The following LSG1 variants were observed in gnomAD, a reference collection of about 807,000 sequenced individuals.
LSG1 encodes large 60S subunit nuclear export GTPase 1.
In LSG1, 55 loss-of-function variants were observed where a neutral mutation model predicts 82.6. The ratio of observed to expected loss-of-function variants is 0.67; its 90% CI spans 0.54 to 0.83. The LOEUF is 0.83. Ranked by LOEUF, LSG1 falls within the 40% of genes least tolerant of loss-of-function variation. LSG1 has a pLI of 0.00. For synonymous variants in LSG1, 272 were observed against 282.5 expected (o/e 0.96, Z 0.37); for missense variants, 809 against 807.9 (o/e 1.00, Z -0.02).
At position 194,666,193 on chromosome 3, in the gene LSG1, T is replaced by C; in HGVS notation, c.434+10A>G. On this transcript the variant is annotated intron_variant, in intron 4 of 13. Coordinates refer to ENST00000265245, the MANE Select transcript of LSG1 (RefSeq NM_018385.3). ...TCAAAGTAAGTCTTCATAGAGTCTA[T>C]AATACTCACCGGACAAGCTGACGTC... 3.1e-6 allele frequency: 5 copies of C among 1,609,848 alleles called. No homozygotes were observed. The highest frequency in any genetic ancestry group is 4.3e-6 in the Non-Finnish European group (5 of 1,176,040).
chr3:194,667,647 G>A (rs1205794706), intron 2 of LSG1, among the ~76,000 whole-genome samples: 10 of 151,870 alleles, frequency 6.6e-5, no homozygotes, highest in Admixed American at 6.6e-4. Flanking sequence ...ATAGCAGCCA[G>A]GTGCGGTGGC....
rs775879544 is a variant in LSG1 at position 194,648,750 on chromosome 3, T to C, written c.1474A>G (p.Ile492Val). Residue 492 changes from isoleucine to valine, a missense_variant, in exon 11 of 14, where the codon ATA becomes GTA. By Grantham distance (29) the Ile-to-Val change is conservative. Coordinates refer to ENST00000265245, the MANE Select transcript of LSG1 (RefSeq NM_018385.3). ...GGATCTTCATCCTCTCTAGGCGTTA[T>C]GATGTTAATGCCATAGGTAGCTTCT... ...VLEATYGINI[I>V]TPREDEDPHR... The C allele has an allele frequency of 1.9e-6, 3 of 1,613,792 alleles. No individual in the cohort carries two copies. The highest frequency in any genetic ancestry group is 2.2e-5 in the East Asian group (1 of 44,890).
At chr3:194,651,424 A>G (rs1718672031) in intron 8 of LSG1, 1 of 569,792 alleles carries the variant, frequency 1.8e-6, no homozygotes, top group African/African-American at 1.9e-5. Flanking sequence ...CAAATGGCCA[A>G]GTTATGCACA....
At chr3:194,648,021 A>G (rs373299472) in intron 11 of LSG1, among the ~76,000 whole-genome samples, 2 of 151,918 alleles carry the variant, frequency 1.3e-5, no homozygotes, top group African/African-American at 4.8e-5. Flanking sequence ...CCCAACCAGC[A>G]GCAATCCCTG....
At chr3:194,656,004 G>A (rs548991446) in intron 7 of LSG1, among the ~76,000 whole-genome samples, 2 of 152,134 alleles carry the variant, frequency 1.3e-5, no homozygotes. Context: ...ATTAATTCAC[G>A]ATGGATTAAA....
At chr3:194,662,164 T>A (rs551052579) in intron 5 of LSG1, among the ~76,000 whole-genome samples, 6 of 152,232 alleles carry the variant, frequency 3.9e-5, no homozygotes, top group Non-Finnish European at 8.8e-5. Flanking sequence ...GCGCCCGTAA[T>A]CCATCTGAAC....
chr3:194,644,355 C>T (rs868709416), intron 13 of LSG1, among the ~76,000 whole-genome samples: 2 of 131,286 alleles, frequency 1.5e-5, no homozygotes, highest in Non-Finnish European at 3.1e-5. Flanking sequence ...GGCGACAGAG[C>T]GAGACTCCGT....
Position 194,665,637 on chromosome 3 carries a change from T to C in LSG1, c.441A>G (p.Glu147=), listed in dbSNP as rs768233393. 30 of 1,608,772 alleles carry C rather than the reference T, an allele frequency of 1.9e-5. No homozygotes were observed. The highest frequency in any genetic ancestry group is 2.4e-5 in the Non-Finnish European group (28 of 1,176,682). The change falls in exon 5 of 14, where the codon GAA becomes GAG. Residue 147 remains glutamate, a synonymous_variant. Coordinates refer to ENST00000265245, the MANE Select transcript of LSG1 (RefSeq NM_018385.3). ...GAGTCAATATCAGCTTCTGTTCCTCTTCTAGCCTAGTTTTTGAATGAGAAG... is the reference window on the plus strand; with the variant it reads ...GAGTCAATATCAGCTTCTGTTCCTCCTCTAGCCTAGTTTTTGAATGAGAAG... ...LEWRRQLVRL[E]EEQKLILTPF...
At chr3:194,657,458 GT>G (rs58115258) in intron 7 of LSG1, among the ~76,000 whole-genome samples, 11,692 of 139,004 alleles carry the variant, frequency 0.084, 537 homozygotes, top group African/African-American at 0.13. Context: ...TGCTTAGTAA[GT>G]TTTTTTTTTT....
chr3:194,653,294 C>A, intron 7 of LSG1, 152 bp from the exon 8 acceptor site: 1 of 686,900 alleles, frequency 1.5e-6, no homozygotes, highest in Non-Finnish European at 2.4e-6. Flanking sequence ...GTGCGCAGAT[C>A]ATTTGAGGTC....
chr3:194,665,513 T>C (rs112008196), intron 5 of LSG1, 44 bp downstream of exon 5: 1 of 1,429,172 alleles, frequency 7.0e-7, no homozygotes, highest in Non-Finnish European at 9.8e-7. Context: ...CGAATATAAC[T>C]TCACTACAAT....
intron 7 of LSG1, 61 bp downstream of exon 7, chr3:194,658,896 A>T: frequency 7.0e-7 from 1 of 1,435,600 alleles, no homozygotes; most frequent in Non-Finnish European, 9.5e-7. Context: ...CAAACGAAGC[A>T]CATTAACAAG....
intron 7 of LSG1, among the ~76,000 whole-genome samples, chr3:194,658,132 T>C (rs1718844620): frequency 6.6e-6 from 1 of 152,164 alleles, no homozygotes; most frequent in East Asian, 1.9e-4. Context: ...ATTACTAATT[T>C]CTTTTCATAG....
Position 194,644,644 on chromosome 3 carries a change from T to C in LSG1, c.1726A>G (p.Lys576Glu), listed in dbSNP as rs762942622. The change falls in exon 13 of 14, where the codon AAA (lysine) becomes GAA (glutamate). Residue 576 changes from lysine (K) to glutamate (E), a missense_variant. By Grantham distance (56) the Lys-to-Glu change is moderately conservative. Transcript: ENST00000265245. Reference protein sequence around the residue: ...LENKMNSDEIKMQLGRNKKAK... With the variant: ...LENKMNSDEIEMQLGRNKKAK... ...TTTTTATTTCTGCCTAGCTGCATTT[T>C]TATTTCATCACTGTTCATTTTGTTC... 1 of 1,613,450 alleles carries C rather than the reference T, an allele frequency of 6.2e-7. No homozygotes were observed. The highest frequency in any genetic ancestry group is 1.7e-5 in the Admixed American group (1 of 59,908).
intron 12 of LSG1, chr3:194,644,952 G>A: frequency 2.5e-6 from 1 of 401,358 alleles, no homozygotes; most frequent in East Asian, 3.6e-5. Context: ...TCTTCCCATG[G>A]CGCCCCAGAC....
Position 194,666,185 on chromosome 3 carries a change from A to G in LSG1, c.434+18T>C. On this transcript the variant is annotated intron_variant, in intron 4 of 13. Transcript: ENST00000265245. ...TCAGGATTTCAAAGTAAGTCTTCATAGAGTCTATAATACTCACCGGACAAG... is the reference window on the plus strand; with the variant it reads ...TCAGGATTTCAAAGTAAGTCTTCATGGAGTCTATAATACTCACCGGACAAG... 6.3e-7 allele frequency: 1 copy of G among 1,599,800 alleles called. No homozygotes were observed. The highest frequency in any genetic ancestry group is 8.6e-7 in the Non-Finnish European group (1 of 1,167,784).
At chr3:194,646,737 T>C (rs143376371) in intron 11 of LSG1, among the ~76,000 whole-genome samples, 1 of 152,182 alleles carries the variant, frequency 6.6e-6, no homozygotes, top group Admixed American at 6.5e-5. Flanking sequence ...TTCAGGCTGG[T>C]CTTGAACTCC....
At chr3:194,661,439 G>C (rs148545418) in intron 5 of LSG1, among the ~76,000 whole-genome samples, 1 of 152,324 alleles carries the variant, frequency 6.6e-6, no homozygotes, top group East Asian at 1.9e-4. Context: ...GACATTTCAA[G>C]ACAGCTGCTT....
At chr3:194,669,958 C>T (rs1434152118) in intron 2 of LSG1, 51 bp downstream of exon 2, 1 of 1,576,810 alleles carries the variant, frequency 6.3e-7, no homozygotes, top group African/African-American at 1.4e-5. Flanking sequence ...AAACCTCAGC[C>T]CCAGATGGAA....
Sources: allele counts gnomAD v4.1 joint callset (sites outside exome capture counted in the v4.1 genomes callset), GRCh38; gene constraint gnomAD v4.1.1; transcripts MANE v1.5; gene names NCBI Gene and HGNC (gene_info 2026-07-23, HGNC 2026-07-21).